Variants in SORCS3 observed in about 807,000 individuals in gnomAD.
SORCS3 encodes sortilin related VPS10 domain containing receptor 3.
A neutral mutation model predicts 146.3 loss-of-function variants in SORCS3; 57 were observed. That is an observed-to-expected ratio of 0.39 (90% confidence interval 0.31 to 0.49). The LOEUF is 0.49. Ranked by LOEUF, SORCS3 falls within the 20% of genes least tolerant of loss-of-function variation. The pLI is 0.92. For missense variants in SORCS3, 1,341 were observed against 1,575.5 expected (o/e 0.85, Z 2.52); for synonymous variants, 653 against 618.5 (o/e 1.06, Z -0.83).
chr10:105,006,935 A>G (rs1354002133), intron 4 of SORCS3, among the ~76,000 whole-genome samples: 1 of 152,216 alleles, frequency 6.6e-6, no homozygotes, highest in Non-Finnish European at 1.5e-5. Context: ...TACTCCCAGT[A>G]GAATTAGAGC....
chr10:104,678,605 A>C (rs1260860239), intron 1 of SORCS3, among the ~76,000 whole-genome samples: 1 of 152,216 alleles, frequency 6.6e-6, no homozygotes, highest in Admixed American at 6.5e-5. Flanking sequence ...GCATGTGCTC[A>C]GGACTTGCTG....
rs528839566 is a variant in SORCS3, at chr10:104,839,424, A to G, written c.628-3368A>G. Among the ~76,000 whole-genome samples the G allele has an allele frequency of 3.9e-5, 6 of 152,326 alleles. No individual in the cohort carries two copies. The South Asian group carries it at 1.2e-3, about 32-fold the overall frequency. ...ATGAAAGGATGGGGCACAGGCAGTG[A>G]TACAATGATAGAGCATGAAAGAAAG... On this transcript the variant is annotated intron_variant, in intron 1 of 26. Transcript: ENST00000369701.
intron 1 of SORCS3, among the ~76,000 whole-genome samples, chr10:104,733,928 T>G (rs1281583601): frequency 1.3e-5 from 2 of 152,208 alleles, no homozygotes; most frequent in African/African-American, 4.8e-5. Flanking sequence ...TGCCTTTAGA[T>G]GCATGATGGT....
intron 1 of SORCS3, among the ~76,000 whole-genome samples, chr10:104,769,060 C>G (rs2017216674): frequency 6.6e-6 from 1 of 152,240 alleles, no homozygotes; most frequent in African/African-American, 2.4e-5. Flanking sequence ...ACCACTCTAT[C>G]TTCCAAACCT....
At chr10:104,751,970 A>ATATAG (rs2016993420) in intron 1 of SORCS3, among the ~76,000 whole-genome samples, 1 of 51,942 alleles carries the variant, frequency 1.9e-5, no homozygotes, top group African/African-American at 4.7e-5. Context: ...TATATATATA[A>ATATAG]TAGTTTAGCA....
intron 1 of SORCS3, among the ~76,000 whole-genome samples, chr10:104,811,041 G>T (rs56072041): frequency 0.014 from 2,103 of 152,256 alleles, 56 homozygotes; most frequent in African/African-American, 0.048. Context: ...AAAGCCCATT[G>T]CTTCAAGGAA....
rs1172912952 is a variant in SORCS3 at position 105,167,207 on chromosome 10, T to C, written c.1810-51T>C. On this transcript the variant is annotated intron_variant, in intron 12 of 26. Transcript: ENST00000369701. ...AAAGACTGTAAACTGTTAAGCACTA[T>C]GCAAATGTAAGGTGTTGCTATGATT... The C allele has an allele frequency of 4.2e-6, 6 of 1,417,200 alleles. No individual in the cohort carries two copies. The African/African-American group carries it at 5.6e-5, about 13-fold the overall frequency. 87.8% of individuals were successfully genotyped at this position (1,417,200 alleles called of 1,614,324 possible). A position where few individuals can be genotyped will look rare whatever the true frequency, so the allele number is the denominator to read the frequency against.
At chr10:105,226,731 A>G (rs1317921526) in intron 20 of SORCS3, among the ~76,000 whole-genome samples, 2 of 151,082 alleles carry the variant, frequency 1.3e-5, no homozygotes, top group Non-Finnish European at 3.0e-5. Context: ...ATTAAATCTC[A>G]TTATCAGTTA....
At chr10:104,697,749 G>T (rs936064043) in intron 1 of SORCS3, among the ~76,000 whole-genome samples, 1 of 152,076 alleles carries the variant, frequency 6.6e-6, no homozygotes. Context: ...ACAGTTGGCC[G>T]GTGCTGAGCC....
intron 23 of SORCS3, among the ~76,000 whole-genome samples, chr10:105,255,237 C>T (rs906582815): frequency 6.7e-6 from 1 of 149,266 alleles, no homozygotes; most frequent in Non-Finnish European, 1.5e-5. Flanking sequence ...TCAAAACTGT[C>T]CGCATGTTCT....
At chr10:105,058,628 C>T (rs2055462115) in intron 5 of SORCS3, among the ~76,000 whole-genome samples, 1 of 152,072 alleles carries the variant, frequency 6.6e-6, no homozygotes, top group Non-Finnish European at 1.5e-5. Context: ...ATGGAAAGAG[C>T]ATTGGAGTAG....
intron 2 of SORCS3, among the ~76,000 whole-genome samples, chr10:104,854,519 G>A (rs1178027580): frequency 6.6e-6 from 1 of 152,090 alleles, no homozygotes; most frequent in Non-Finnish European, 1.5e-5. Flanking sequence ...ATATCTCTAG[G>A]ATATTGACAT....
At chr10:105,152,576 C>T (rs896990203) in intron 9 of SORCS3, among the ~76,000 whole-genome samples, 6 of 152,154 alleles carry the variant, frequency 3.9e-5, no homozygotes, top group Non-Finnish European at 8.8e-5. Context: ...AAAGAAGATT[C>T]ACATACCCAA....
At chr10:104,649,011 C>T (rs1294010956) in intron 1 of SORCS3, among the ~76,000 whole-genome samples, 1 of 152,048 alleles carries the variant, frequency 6.6e-6, no homozygotes, top group Non-Finnish European at 1.5e-5. Context: ...AGAGAAAAAA[C>T]CTTCTTTAGG....
intron 7 of SORCS3, among the ~76,000 whole-genome samples, chr10:105,115,812 A>G (rs1481964218): frequency 1.3e-5 from 2 of 152,210 alleles, no homozygotes; most frequent in Non-Finnish European, 2.9e-5. Context: ...AAGAAAAGCT[A>G]TTTGGAGATG....
intron 1 of SORCS3, among the ~76,000 whole-genome samples, chr10:104,713,987 G>A (rs556285475): frequency 1.3e-5 from 2 of 152,248 alleles, no homozygotes; most frequent in South Asian, 4.1e-4. Flanking sequence ...ATGCTAGTTT[G>A]TGTCTTTCAA....
At chr10:104,642,022 G>GGGCCCC in intron 1 of SORCS3, 68 bp downstream of exon 1, 3 of 173,336 alleles carry the variant, frequency 1.7e-5, no homozygotes, top group African/African-American at 4.4e-5. Flanking sequence ...GGGTGGGTGG[G>GGGCCCC]AGCGAGGGAC....
intron 15 of SORCS3, 132 bp from the exon 16 acceptor site, chr10:105,200,988 A>G: frequency 1.1e-6 from 1 of 941,450 alleles, no homozygotes; most frequent in Non-Finnish European, 1.5e-6. Flanking sequence ...CTCCTGGATC[A>G]TTACTGAGAA....
At chr10:104,900,166 T>G (rs1355668133) in intron 2 of SORCS3, among the ~76,000 whole-genome samples, 3 of 152,158 alleles carry the variant, frequency 2.0e-5, no homozygotes. Flanking sequence ...CAGCTTAGGA[T>G]GTTTTCCTTT....
Sources: gnomAD v4.1 joint callset for allele counts (sites outside exome capture counted in the v4.1 genomes callset) on GRCh38, gnomAD v4.1.1 for gene constraint, MANE v1.5 for transcripts, NCBI Gene and HGNC (gene_info 2026-07-23, HGNC 2026-07-21) for gene names.